Variants in DOCK4 observed in about 807,000 individuals in gnomAD.
DOCK4 encodes the protein dedicator of cytokinesis 4.
In DOCK4, 97 loss-of-function variants were observed where a neutral mutation model predicts 268.1. That is an observed-to-expected ratio of 0.36 (90% CI 0.31 to 0.43). The LOEUF (loss-of-function observed/expected upper bound fraction) is 0.43. Ranked by LOEUF, DOCK4 falls within the 20% of genes least tolerant of loss-of-function variation. The pLI is 1.00. For missense variants in DOCK4, 2,145 were observed against 2,455.7 expected (o/e 0.87, Z 2.67); for synonymous variants, 954 against 887.2 (o/e 1.08, Z -1.34).
chr7:111,974,014 G>C (rs1438603904), intron 8 of DOCK4, among the ~76,000 whole-genome samples: 3 of 152,068 alleles, frequency 2.0e-5, no homozygotes, highest in Non-Finnish European at 4.4e-5. Flanking sequence ...ACCTACACCA[G>C]GTGGGATGAA....
rs1314866135 is a variant in DOCK4 at position 111,727,960 on chromosome 7, A to G, written c.*314T>C. 1.2e-5 allele frequency: 3 copies of G among 258,146 alleles called. No homozygotes were observed. The highest frequency in any genetic ancestry group is 2.2e-5 in the Non-Finnish European group (3 of 138,348). 16.0% of individuals were successfully genotyped at this position (258,146 alleles called of 1,614,324 possible). ...GTCACACATTGTATCGTTTGACAAT[A>G]TCGTATTGGTTTTAAGATTAAACTA... On this transcript the variant is annotated 3_prime_UTR_variant, in exon 53 of 53. Transcript: ENST00000428084.
chr7:111,999,882 A>G (rs1056940127), intron 3 of DOCK4, among the ~76,000 whole-genome samples: 3 of 152,060 alleles, frequency 2.0e-5, no homozygotes, highest in African/African-American at 4.8e-5. Context: ...ATTAGTAAGG[A>G]TTACTGTCAA....
At chr7:112,163,276 C>T (rs1440704728) in intron 1 of DOCK4, among the ~76,000 whole-genome samples, 1 of 152,026 alleles carries the variant, frequency 6.6e-6, no homozygotes, top group Non-Finnish European at 1.5e-5. Context: ...GCCCTCCTCC[C>T]TCCCCTCCCC....
At chr7:111,754,089 G>A (rs758776383) in intron 42 of DOCK4, among the ~76,000 whole-genome samples, 49 of 152,180 alleles carry the variant, frequency 3.2e-4, no homozygotes, top group Non-Finnish European at 5.3e-4. Context: ...ATGCAGCATG[G>A]ATGACTAAAA....
At chr7:111,871,209 AAGGTAT>A (rs551905149) in intron 20 of DOCK4, among the ~76,000 whole-genome samples, 29 of 152,178 alleles carry the variant, frequency 1.9e-4, no homozygotes, top group Admixed American at 3.3e-4. Flanking sequence ...ACAGGTGCTT[AAGGTAT>A]AAGGTAGAAA....
chr7:112,009,132 A>C (rs1801090899), intron 1 of DOCK4, among the ~76,000 whole-genome samples: 1 of 152,250 alleles, frequency 6.6e-6, no homozygotes, highest in Admixed American at 6.5e-5. Flanking sequence ...CCAGCCCAGC[A>C]CATGCTGCCC....
In DOCK4 at chr7:111,875,337, T is replaced by C. The variant is rs1443488297; in HGVS notation, c.1744+1693A>G. Among the ~76,000 whole-genome samples the C allele has an allele frequency of 2.0e-5, 3 of 152,240 alleles. No individual in the cohort carries two copies. In the East Asian group the frequency reaches 5.8e-4, roughly 29 times the overall value. On this transcript the variant is annotated intron_variant, in intron 17 of 52. Transcript: ENST00000428084. Reference sequence around the variant, plus strand: ...CAACTTCTAATTTTCAGGATTTGTTTCTGTCTTATTTTCATAATTGTGTCT... The same window carrying C: ...CAACTTCTAATTTTCAGGATTTGTTCCTGTCTTATTTTCATAATTGTGTCT...
At chr7:111,984,524 T>C (rs1490431399) in intron 6 of DOCK4, 134 bp from the exon 7 acceptor site, 25 of 698,986 alleles carry the variant, frequency 3.6e-5, no homozygotes, top group African/African-American at 5.4e-5. Flanking sequence ...GTATGACTTG[T>C]TACCACAGTT....
chr7:112,135,761 C>T (rs1814280201), intron 1 of DOCK4, among the ~76,000 whole-genome samples: 1 of 137,918 alleles, frequency 7.3e-6, no homozygotes, highest in Admixed American at 7.8e-5. Context: ...AAATTGTTAT[C>T]AGTCCTCTCA....
chr7:111,957,423 G>A (rs1473930382), intron 8 of DOCK4, among the ~76,000 whole-genome samples: 1 of 152,092 alleles, frequency 6.6e-6, no homozygotes, highest in African/African-American at 2.4e-5. Flanking sequence ...ATGACTCCAA[G>A]TTCAGAAGAC....
At chr7:111,945,868 C>T in intron 8 of DOCK4, 70 bp from the exon 9 acceptor site, 1 of 1,151,692 alleles carries the variant, frequency 8.7e-7, no homozygotes. Flanking sequence ...TCTGTAACTA[C>T]TCTTCATCAC....
chr7:111,947,708 A>G (rs1217752398), intron 8 of DOCK4, among the ~76,000 whole-genome samples: 1 of 152,172 alleles, frequency 6.6e-6, no homozygotes, highest in African/African-American at 2.4e-5. Context: ...ATTCATTATT[A>G]TTTCAAATTT....
rs768267222 is a variant in DOCK4 at position 111,790,592 on chromosome 7, A to T, written c.3180T>A (p.Leu1060=). 6.2e-7 allele frequency: 1 copy of T among 1,612,490 alleles called. No homozygotes were observed. ...GGCCAATCAGGGCAGGGATAAAATGAAGCTTGTGCTCTCCTAAAGTGAGAA... is the reference window on the plus strand; with the variant it reads ...GGCCAATCAGGGCAGGGATAAAATGTAGCTTGTGCTCTCCTAAAGTGAGAA... The part of the protein sequence containing the change: ...SMWQNLGEHK[L]HFIPALIGPF... The change falls in exon 31 of 53, where the codon CTT becomes CTA. Residue 1060 remains leucine (L), a synonymous_variant. Transcript: ENST00000428084.
At chr7:112,119,825 A>C (rs568832721) in intron 1 of DOCK4, among the ~76,000 whole-genome samples, 15 of 151,624 alleles carry the variant, frequency 9.9e-5, no homozygotes, top group Middle Eastern at 6.8e-3. Flanking sequence ...GCGTATATTT[A>C]GTGCTCAATA....
In DOCK4 at chr7:112,081,619, T is replaced by C. The variant is rs543806850; in HGVS notation, c.38-77488A>G. On this transcript the variant is annotated intron_variant, in intron 1 of 52. Coordinates refer to ENST00000428084, the MANE Select transcript of DOCK4 (RefSeq NM_001363540.2). Reference sequence around the variant, plus strand: ...ACTTATTTTTATCCCTTTCTTATTTTACGTACTTTGTCAGTTATCTCAAAT... The same window carrying C: ...ACTTATTTTTATCCCTTTCTTATTTCACGTACTTTGTCAGTTATCTCAAAT... Among the ~76,000 whole-genome samples the C allele has an allele frequency of 3.3e-5, 5 of 152,322 alleles. No individual in the cohort carries two copies. The South Asian group carries it at 1.0e-3, about 32-fold the overall frequency.
rs12705795 is a variant in DOCK4, at chr7:111,728,435, C to A, written c.5767G>T (p.Val1923Phe). 1.3e-6 allele frequency: 2 copies of A among 1,591,542 alleles called. No individual in the cohort carries two copies. Among genetic ancestry groups the A allele is most frequent in the Admixed American group, 3.4e-5 (2 of 58,838 alleles). ...SVYERTLRRP[V>F]PLPHSLSIPV... ...ATGGAGAGGCTGTGAGGTAGCGGGA[C>A]GGGGCGCCGCAGAGTCCGCTCGTAG... The change falls in exon 53 of 53, where the codon GTC becomes TTC. Residue 1923 changes from valine to phenylalanine, a missense_variant. Val to Phe is a conservative substitution (Grantham distance 50). This residue lies in a region of DOCK4 where 547 missense variants were observed against 469.0 expected (regional missense o/e 1.17). Coordinates refer to ENST00000428084, the MANE Select transcript of DOCK4 (RefSeq NM_001363540.2).
chr7:111,940,899 G>A (rs962735422), intron 10 of DOCK4, among the ~76,000 whole-genome samples: 16 of 152,166 alleles, frequency 1.1e-4, no homozygotes, highest in African/African-American at 3.9e-4. Context: ...GTACACTGAA[G>A]TTGAAATATA....
At chr7:112,095,646 G>A (rs1810054500) in intron 1 of DOCK4, among the ~76,000 whole-genome samples, 1 of 151,768 alleles carries the variant, frequency 6.6e-6, no homozygotes, top group Non-Finnish European at 1.5e-5. Flanking sequence ...ATGTAGAGAA[G>A]GACAAAATAA....
At chr7:111,947,793 G>A (rs761721963) in intron 8 of DOCK4, among the ~76,000 whole-genome samples, 15 of 151,962 alleles carry the variant, frequency 9.9e-5, no homozygotes, top group Non-Finnish European at 1.8e-4. Context: ...GCACAATCTC[G>A]GCTCACTGCA....
Sources: gnomAD v4.1 joint callset for allele counts (sites outside exome capture counted in the v4.1 genomes callset) on GRCh38, gnomAD v4.1.1 for gene constraint, gnomAD v4.1.1 regional missense constraint, MANE v1.5 for transcripts, NCBI Gene and HGNC (gene_info 2026-07-23, HGNC 2026-07-21) for gene names.